NSL1: variants seen among roughly 807,000 people sequenced by gnomAD.
NSL1 encodes the protein NSL1 component of MIS12 kinetochore complex.
In NSL1, 11 loss-of-function variants were observed where a neutral mutation model predicts 25.4. That is an observed-to-expected ratio of 0.43 (90% confidence interval 0.27 to 0.72). The LOEUF is 0.72. Ranked by LOEUF, NSL1 falls within the 30% of genes least tolerant of loss-of-function variation. The probability of loss-of-function intolerance (pLI) is 0.19; values close to 1 mark genes in which losing one functional copy is unlikely to be tolerated. For synonymous variants in NSL1, 118 were observed against 120.6 expected, an observed-to-expected ratio of 0.98 and a Z score of 0.14; for missense variants, 330 against 342.7, an observed-to-expected ratio of 0.96 and a Z score of 0.29.
chr1:212,749,718 T>C (rs1452340677), intron 4 of NSL1, among the ~76,000 whole-genome samples: 1 of 152,058 alleles, frequency 6.6e-6, no homozygotes, highest in African/African-American at 2.4e-5. Context: ...TCATGCTACC[T>C]TAAAAAGAAA....
chr1:212,742,787 A>G (rs1170780015), intron 4 of NSL1, among the ~76,000 whole-genome samples: 2 of 152,220 alleles, frequency 1.3e-5, no homozygotes, highest in Non-Finnish European at 2.9e-5. Context: ...TACTTTAAAC[A>G]TTTTAAATCT....
chr1:212,729,775 A>C lies in NSL1; in HGVS notation c.*8633T>G, dbSNP rs887358161. The stretch of plus-strand genomic sequence containing the variant: ...CTTCTGGTGGAGATGCTCGGCTATA[A>C]AACGGCTCAAAAGAACAGCTAGAAC... On this transcript the variant is annotated 3_prime_UTR_variant, in exon 6 of 6. Coordinates refer to ENST00000366977, the MANE Select transcript of NSL1 (RefSeq NM_015471.4). 6.1e-6 allele frequency: 6 copies of C among 985,210 alleles called. No individual in the cohort carries two copies. Among genetic ancestry groups the C allele is most frequent in the Non-Finnish European group, 7.2e-6 (6 of 829,922 alleles). 61.0% of individuals were successfully genotyped at this position (985,210 alleles called of 1,614,324 possible).
chr1:212,773,052 T>A (rs1316858689), intron 4 of NSL1, among the ~76,000 whole-genome samples: 1 of 152,130 alleles, frequency 6.6e-6, no homozygotes, highest in Non-Finnish European at 1.5e-5. Flanking sequence ...TCAAGACGGA[T>A]TAATGACTTA....
chr1:212,784,322 G>C (rs1369287050), intron 3 of NSL1, 41 bp downstream of exon 3: 1 of 1,378,020 alleles, frequency 7.3e-7, no homozygotes, highest in South Asian at 1.3e-5. Flanking sequence ...TTTTTATTGT[G>C]GTAAAATATA....
At position 212,760,530 on chromosome 1, in the gene NSL1, G is replaced by A. The variant is rs569466504; in HGVS notation, c.500-20929C>T. Among the ~76,000 whole-genome samples the A allele has an allele frequency of 1.3e-5, 2 of 152,150 alleles. No homozygotes were observed. The highest frequency in any genetic ancestry group is 4.8e-5 in the African/African-American group (2 of 41,498). On this transcript the variant is annotated intron_variant, in intron 4 of 5. Coordinates refer to ENST00000366977, the MANE Select transcript of NSL1 (RefSeq NM_015471.4). The surrounding 1 kb of genome is among the most constrained non-coding windows in gnomAD (Gnocchi z 4.3). ...ACTCCTCCCCAGGGCTTGAGGACGG[G>A]CCTGACTAGCCTATCATCACCACCA...
intron 4 of NSL1, among the ~76,000 whole-genome samples, chr1:212,761,982 A>G (rs1659591392): frequency 6.6e-6 from 1 of 151,708 alleles, no homozygotes; most frequent in African/African-American, 2.4e-5. Context: ...AAAAAAAAAA[A>G]AAAAAAAAAA....
At position 212,733,433 on chromosome 1, in the gene NSL1, CAAAAA is replaced by C. The variant is rs140675222; in HGVS notation, c.*4970_*4974del. ...GGCAACACAGCAAGACCTTGTTTCA[CAAAAA>C]AAAAAAAAAAAAAATCCCATACCCA... On this transcript the variant is annotated 3_prime_UTR_variant, in exon 6 of 6. Transcript: ENST00000366977. 1.8e-4 allele frequency among the ~76,000 whole-genome samples: 25 copies of C among 135,882 alleles called. No individual in the cohort carries two copies. Among genetic ancestry groups the C allele is most frequent in the African/African-American group, 4.0e-4 (15 of 37,268 alleles). The allele number at this position is 135,882 out of a possible 152,430, so 89.1% of individuals were successfully genotyped here. A position where few individuals can be genotyped will look rare whatever the true frequency, so the allele number is the denominator to read the frequency against.
At chr1:212,776,050 C>T (rs966716443) in intron 4 of NSL1, among the ~76,000 whole-genome samples, 4 of 152,082 alleles carry the variant, frequency 2.6e-5, no homozygotes, top group Non-Finnish European at 5.9e-5. Flanking sequence ...CTCCTGAGCT[C>T]GTGATCCGCC....
At chr1:212,752,921 CCTTT>C (rs143646724) in intron 4 of NSL1, among the ~76,000 whole-genome samples, 277 of 150,460 alleles carry the variant, frequency 1.8e-3, no homozygotes, top group Non-Finnish European at 2.7e-3. Context: ...GTGAGTACTT[CCTTT>C]CTATTTCCAA....
chr1:212,760,687 C>T lies in NSL1; in HGVS notation c.500-21086G>A, dbSNP rs1001756964. Among the ~76,000 whole-genome samples the T allele has an allele frequency of 6.6e-6, 1 of 152,154 alleles. No homozygotes were observed. Among genetic ancestry groups the T allele is most frequent in the African/African-American group, 2.4e-5 (1 of 41,432 alleles). On this transcript the variant is annotated intron_variant, in intron 4 of 5. Coordinates refer to ENST00000366977, the MANE Select transcript of NSL1 (RefSeq NM_015471.4). The surrounding 1 kb of genome is among the most constrained non-coding windows in gnomAD (Gnocchi z 4.3). ...GACCCGCCACTGCTACTGCCATCAC[C>T]AACACCACGCATACTGCCCAGGGAC... is the stretch of plus-strand genomic sequence containing the variant.
chr1:212,768,319 C>CAAAA (rs34528216), intron 4 of NSL1, among the ~76,000 whole-genome samples: 23 of 68,900 alleles, frequency 3.3e-4, no homozygotes, highest in African/African-American at 7.3e-4. Flanking sequence ...GACTCCGTCT[C>CAAAA]AAAAAAAAAA....
At chr1:212,773,661 A>AG in intron 4 of NSL1, among the ~76,000 whole-genome samples, 1 of 152,184 alleles carries the variant, frequency 6.6e-6, no homozygotes, top group Non-Finnish European at 1.5e-5. Flanking sequence ...TAGAATTACC[A>AG]TATGCTCCAC....
rs1011538373 is a variant in NSL1 at position 212,735,853 on chromosome 1, C to G, written c.*2555G>C. The G allele has an allele frequency of 1.3e-6, 1 of 741,798 alleles. No homozygotes were observed. The highest frequency in any genetic ancestry group is 1.6e-6 in the Non-Finnish European group (1 of 607,762). The allele number at this position is 741,798 out of a possible 1,614,324, so 46.0% of individuals were successfully genotyped here. A position where few individuals can be genotyped will look rare whatever the true frequency, so the allele number is the denominator to read the frequency against. ...CCTCACCAGAAACTGCATTTGCCAG[C>G]ACCTTCTCATGGACTTCTAGCCTCC... On this transcript the variant is annotated 3_prime_UTR_variant, in exon 6 of 6. Transcript: ENST00000366977.
At chr1:212,746,341 A>T (rs1309185579) in intron 4 of NSL1, among the ~76,000 whole-genome samples, 2 of 152,148 alleles carry the variant, frequency 1.3e-5, no homozygotes, top group Admixed American at 1.3e-4. Flanking sequence ...ATTAATTCAA[A>T]CTACATTGTT....
intron 4 of NSL1, among the ~76,000 whole-genome samples, chr1:212,744,542 G>C (rs1051789222): frequency 6.6e-5 from 10 of 152,122 alleles, no homozygotes; most frequent in Non-Finnish European, 1.3e-4. Context: ...CTGTCACTGA[G>C]GAGGTTCAGA....
In NSL1 at chr1:212,738,230, A is replaced by C; in HGVS notation, c.*178T>G. 1 of 1,360,860 alleles carries C rather than the reference A, an allele frequency of 7.3e-7. No individual in the cohort carries two copies. Among genetic ancestry groups the C allele is most frequent in the Non-Finnish European group, 9.4e-7 (1 of 1,058,928 alleles). The allele number at this position is 1,360,860 out of a possible 1,614,324, so 84.3% of individuals were successfully genotyped here. ...GCTTTTTATTTACAATAGATAAAAC[A>C]GTAAGGAAATACAATATTATATCAT... On this transcript the variant is annotated 3_prime_UTR_variant, in exon 6 of 6. Transcript: ENST00000366977.
At position 212,737,563 on chromosome 1, in the gene NSL1, C is replaced by T. The variant is rs951407637; in HGVS notation, c.*845G>A. The T allele has an allele frequency of 3.1e-6, 3 of 975,712 alleles. No homozygotes were observed. Among genetic ancestry groups the T allele is most frequent in the Non-Finnish European group, 3.7e-6 (3 of 821,194 alleles). The allele number at this position is 975,712 out of a possible 1,614,324, so 60.4% of individuals were successfully genotyped here. ...CAGACTTCTCCCAGTGATTATATAC[C>T]TGATATATAAACATCTTCAAATGTG... On this transcript the variant is annotated 3_prime_UTR_variant, in exon 6 of 6. Transcript: ENST00000366977.
At chr1:212,779,096 G>A (rs1245328656) in intron 4 of NSL1, among the ~76,000 whole-genome samples, 10 of 145,298 alleles carry the variant, frequency 6.9e-5, no homozygotes, top group South Asian at 2.2e-4. Flanking sequence ...CGGCCGCCCC[G>A]TCTGAGAAGT....
In NSL1 at chr1:212,738,703, A is replaced by G; in HGVS notation, c.568-17T>C. 6.3e-7 allele frequency: 1 copy of G among 1,595,884 alleles called. No homozygotes were observed. Among genetic ancestry groups the G allele is most frequent in the African/African-American group, 1.3e-5 (1 of 74,342 alleles). On this transcript the variant is annotated splice_polypyrimidine_tract_variant and intron_variant, in intron 5 of 5. Coordinates refer to ENST00000366977, the MANE Select transcript of NSL1 (RefSeq NM_015471.4). ...AGGCAAGGACTTCAAACAAACAAAC[A>G]GTAATATTCAACATTAATCTCAGGT...
Sources: allele counts gnomAD v4.1 joint callset (sites outside exome capture counted in the v4.1 genomes callset), GRCh38; gene constraint gnomAD v4.1.1; non-coding constraint Gnocchi (gnomAD v3.1); transcripts MANE v1.5; gene names NCBI Gene and HGNC (gene_info 2026-07-23, HGNC 2026-07-21).